Variants in ATP2C1 observed in about 807,000 individuals in gnomAD.
ATP2C1 encodes the protein ATPase secretory pathway Ca2+ transporting 1, also known as calcium-transporting ATPase type 2C member 1.
ATP2C1 carries 31 observed loss-of-function variants against 120.5 expected under a neutral mutation model. The observed-to-expected ratio is 0.26, with a 90% confidence interval of 0.19 to 0.35. ATP2C1 has a LOEUF of 0.35. Among genes scored for constraint, ATP2C1 ranks in the 10% least tolerant of loss-of-function variants. The pLI, the probability that ATP2C1 is intolerant of heterozygous loss-of-function variation, is 1.00. For synonymous variants in ATP2C1, 351 were observed against 358.7 expected (o/e 0.98, Z 0.24); for missense variants, 731 against 1,107.5 (o/e 0.66, Z 4.83).
intron 8 of ATP2C1, among the ~76,000 whole-genome samples, chr3:130,953,426 A>G (rs1189100523): frequency 6.6e-6 from 1 of 151,208 alleles, no homozygotes; most frequent in Non-Finnish European, 1.5e-5. Flanking sequence ...ACTTTCAGTC[A>G]TCGTCGATGG....
In ATP2C1 at chr3:130,941,584, G is replaced by A. The variant is rs779702947; in HGVS notation, c.423-7G>A. On this transcript the variant is annotated splice_region_variant and splice_polypyrimidine_tract_variant and intron_variant, in intron 7 of 27. Coordinates refer to ENST00000510168, the MANE Select transcript of ATP2C1 (RefSeq NM_001378687.1). ...TTAACCATGGTTGTTTCTATTTCGT[G>A]TTACAGTGTGCGTGAAGGAAAATTG... 1 of 1,607,444 alleles carries A rather than the reference G, an allele frequency of 6.2e-7. No individual in the cohort carries two copies. Among genetic ancestry groups the A allele is most frequent in the East Asian group, 2.2e-5 (1 of 44,814 alleles).
chr3:130,926,783 A>G (rs1265159361), intron 2 of ATP2C1, among the ~76,000 whole-genome samples: 1 of 152,224 alleles, frequency 6.6e-6, no homozygotes, highest in Non-Finnish European at 1.5e-5. Context: ...TGTGATCTTT[A>G]TATGTGTTCT....
At chr3:130,998,428 T>G in intron 26 of ATP2C1, 39 bp downstream of exon 26, 1 of 1,427,770 alleles carries the variant, frequency 7.0e-7, no homozygotes, top group East Asian at 2.3e-5. Context: ...CTTGATTGAC[T>G]CACTTGAGTA....
At chr3:131,000,342 A>C (rs1049327712) in intron 27 of ATP2C1, among the ~76,000 whole-genome samples, 18 of 152,190 alleles carry the variant, frequency 1.2e-4, no homozygotes, top group Admixed American at 1.2e-3. Context: ...AAATTGAACT[A>C]GTTGAATTTC....
At chr3:130,898,965 T>C (rs1445649767) in intron 2 of ATP2C1, among the ~76,000 whole-genome samples, 6 of 152,222 alleles carry the variant, frequency 3.9e-5, no homozygotes, top group African/African-American at 1.4e-4. Flanking sequence ...TCACATTTAC[T>C]TTGTTGAAAC....
chr3:130,877,731 G>A (rs544704314), intron 1 of ATP2C1, among the ~76,000 whole-genome samples: 13 of 152,262 alleles, frequency 8.5e-5, no homozygotes, highest in South Asian at 2.1e-4. Flanking sequence ...TCAGTGTGGC[G>A]ATTCCTCAGG....
In ATP2C1 at chr3:130,989,006, A is replaced by G. The variant is rs374075446; in HGVS notation, c.1840-3945A>G. Among the ~76,000 whole-genome samples, 9 of 152,256 alleles carry G rather than the reference A, an allele frequency of 5.9e-5. No homozygotes were observed. The East Asian group carries it at 1.5e-3, about 26-fold the overall frequency. On this transcript the variant is annotated intron_variant, in intron 20 of 27. Coordinates refer to ENST00000510168, the MANE Select transcript of ATP2C1 (RefSeq NM_001378687.1). ...GGTGGCTCACACCTGTAATTCCAGC[A>G]CTTTGGGAGGCCGAGGCTGGTGGAT...
chr3:130,871,652 A>G (rs1046346876), intron 1 of ATP2C1, among the ~76,000 whole-genome samples: 2 of 152,254 alleles, frequency 1.3e-5, no homozygotes, highest in African/African-American at 4.8e-5. Context: ...ACTAATGATG[A>G]CTTAGAGTTT....
intron 8 of ATP2C1, among the ~76,000 whole-genome samples, chr3:130,951,803 T>C (rs1367917780): frequency 6.6e-6 from 1 of 152,186 alleles, no homozygotes; most frequent in Admixed American, 6.5e-5. Context: ...TAAAGAATAA[T>C]TTTTGTAAGC....
intron 12 of ATP2C1, chr3:130,963,700 C>T (rs2060929700): frequency 2.3e-6 from 1 of 429,032 alleles, no homozygotes; most frequent in Non-Finnish European, 4.3e-6. Context: ...AGTAAGTAGC[C>T]CAGGATCACA....
At chr3:130,963,939 A>G (rs780077516) in intron 12 of ATP2C1, 32 bp from the exon 13 acceptor site, 4 of 1,611,556 alleles carry the variant, frequency 2.5e-6, no homozygotes, top group Non-Finnish European at 1.7e-6. Context: ...TGTTTAACCT[A>G]CATTTTAATA....
intron 26 of ATP2C1, chr3:131,014,261 C>T: frequency 6.2e-7 from 1 of 1,613,806 alleles, no homozygotes; most frequent in South Asian, 1.1e-5. Flanking sequence ...GGGCATATGA[C>T]CTTGTGGCAT....
rs1480544540 is a variant in ATP2C1, at chr3:130,964,090, C to G, written c.1019C>G (p.Thr340Ser). Residue 340 changes from threonine (T) to serine (S), a missense_variant, in exon 13 of 28, where the codon ACT becomes AGT. Physicochemically the swap from Thr to Ser is moderately conservative, Grantham distance 58 (BLOSUM62 1). Transcript: ENST00000510168. ...GTGAAAAAGCTGCCTATTGTTGAAA[C>G]TCTGGGTAAGTCTGTGTTAAGAGCA... ...AIVKKLPIVE[T>S]LGCCNVICSD... 7.4e-6 allele frequency: 12 copies of G among 1,612,222 alleles called. No individual in the cohort carries two copies. Among genetic ancestry groups the G allele is most frequent in the Non-Finnish European group, 1.0e-5 (12 of 1,178,680 alleles).
chr3:130,935,484 T>C (rs2059625586), intron 5 of ATP2C1, among the ~76,000 whole-genome samples: 1 of 152,246 alleles, frequency 6.6e-6, no homozygotes, highest in Non-Finnish European at 1.5e-5. Context: ...AAAAAATTTG[T>C]AGCAAGTAAA....
chr3:130,894,902 C>T lies in ATP2C1; in HGVS notation c.6+127C>T. Reference sequence around the variant, plus strand: ...TTTATTTACTGTGTATGTGAAGTGTCCAAGGATTTGCTTACTTAGGGTATC... The same window carrying T: ...TTTATTTACTGTGTATGTGAAGTGTTCAAGGATTTGCTTACTTAGGGTATC... On this transcript the variant is annotated intron_variant, in intron 2 of 27. Transcript: ENST00000510168. This position sits in a 1 kb window ranked among gnomAD's most constrained non-coding sequence, Gnocchi z 4.5. 9.5e-7 allele frequency: 1 copy of T among 1,056,038 alleles called. No homozygotes were observed. The highest frequency in any genetic ancestry group is 1.5e-6 in the Non-Finnish European group (1 of 674,070). 65.4% of individuals were successfully genotyped at this position (1,056,038 alleles called of 1,614,324 possible).
At chr3:130,928,472 G>T (rs1281381946) in intron 2 of ATP2C1, among the ~76,000 whole-genome samples, 3 of 152,210 alleles carry the variant, frequency 2.0e-5, no homozygotes, top group Non-Finnish European at 4.4e-5. Flanking sequence ...CAAAGGATTA[G>T]TTGAGAAACA....
In ATP2C1 at chr3:131,001,443, T is replaced by G. The variant is rs2062881046; in HGVS notation, c.*93T>G. On this transcript the variant is annotated 3_prime_UTR_variant, in exon 28 of 28. Transcript: ENST00000510168. Reference sequence around the variant, plus strand: ...CAAGAGGATATGAAGATTTGAGAACTTTTTAACTATTCATTGACTAAAAAT... The same window carrying G: ...CAAGAGGATATGAAGATTTGAGAACGTTTTAACTATTCATTGACTAAAAAT... The G allele has an allele frequency of 6.6e-7, 1 of 1,503,826 alleles. No individual in the cohort carries two copies. Among genetic ancestry groups the G allele is most frequent in the South Asian group, 1.3e-5 (1 of 75,822 alleles). 93.2% of individuals were successfully genotyped at this position (1,503,826 alleles called of 1,614,324 possible).
At chr3:130,998,866 C>T (rs568529751) in intron 26 of ATP2C1, among the ~76,000 whole-genome samples, 1 of 152,248 alleles carries the variant, frequency 6.6e-6, no homozygotes, top group East Asian at 1.9e-4. Context: ...TAAGGTGTGA[C>T]TGCTGCTTCT....
In ATP2C1 at chr3:130,851,637, A is replaced by T. The variant is rs1211631680; in HGVS notation, c.108+709A>T. ...CATTTCTTTGATCTCCAAAAAAGAC[A>T]TTTCTAAAAATGATTTTTATGAATT... On this transcript the variant is annotated intron_variant, in intron 1 of 26. Transcript: ENST00000504381. 2.0e-5 allele frequency among the ~76,000 whole-genome samples: 3 copies of T among 152,248 alleles called. No individual in the cohort carries two copies. In the East Asian group the frequency reaches 5.8e-4, roughly 29 times the overall value.
Sources: allele counts gnomAD v4.1 joint callset (sites outside exome capture counted in the v4.1 genomes callset), GRCh38; gene constraint gnomAD v4.1.1; non-coding constraint Gnocchi (gnomAD v3.1); transcripts MANE v1.5; gene names NCBI Gene and HGNC (gene_info 2026-07-23, HGNC 2026-07-21).